The following DTNA variants were observed in gnomAD, a reference collection of about 807,000 sequenced individuals.
DTNA encodes dystrobrevin alpha.
A neutral mutation model predicts 100.7 loss-of-function variants in DTNA; 43 were observed. The observed-to-expected ratio is 0.43, with a 90% CI of 0.33 to 0.55. The LOEUF (loss-of-function observed/expected upper bound fraction) is 0.55. DTNA is among the 20% of genes least tolerant of loss of function. DTNA has a pLI of 0.04. For synonymous variants in DTNA, 349 were observed against 347.9 expected (o/e 1.00, Z -0.04); for missense variants, 798 against 953.9 (o/e 0.84, Z 2.15).
At chr18:34,522,372 C>T (rs1046917444) in intron 1 of DTNA, among the ~76,000 whole-genome samples, 5 of 152,248 alleles carry the variant, frequency 3.3e-5, no homozygotes, top group South Asian at 2.1e-4. Context: ...TCTGAGTACA[C>T]GTATTGTCTC....
At chr18:34,561,108 G>C (rs539878250) in intron 1 of DTNA, among the ~76,000 whole-genome samples, 1 of 152,272 alleles carries the variant, frequency 6.6e-6, no homozygotes, top group East Asian at 1.9e-4. Context: ...ATTTGATAGT[G>C]AAGAGGATAG....
chr18:34,618,243 G>T (rs183013193), intron 1 of DTNA, among the ~76,000 whole-genome samples: 29 of 152,132 alleles, frequency 1.9e-4, no homozygotes, highest in African/African-American at 7.0e-4. Context: ...AACCATTTTT[G>T]ACATATATGA....
At chr18:34,822,923 T>C (rs2095761363) in intron 9 of DTNA, among the ~76,000 whole-genome samples, 1 of 152,214 alleles carries the variant, frequency 6.6e-6, no homozygotes, top group African/African-American at 2.4e-5. Flanking sequence ...TACTCACTGA[T>C]AACATATTTT....
At chr18:34,499,384 T>A (rs532783679) in intron 1 of DTNA, among the ~76,000 whole-genome samples, 2 of 152,334 alleles carry the variant, frequency 1.3e-5, no homozygotes, top group Non-Finnish European at 2.9e-5. Context: ...ACCATTCACC[T>A]ATTGAAAGAC....
chr18:34,635,625 C>T (rs1568081839), intron 1 of DTNA, among the ~76,000 whole-genome samples: 1 of 152,138 alleles, frequency 6.6e-6, no homozygotes, highest in Non-Finnish European at 1.5e-5. Flanking sequence ...ATGCATTGAT[C>T]ATTTGGAGGA....
upstream of DTNA, among the ~76,000 whole-genome samples, chr18:34,708,903 A>T (rs1269268073): frequency 6.6e-6 from 1 of 152,174 alleles, no homozygotes; most frequent in East Asian, 1.9e-4. Context: ...CAGAAGAGTA[A>T]ACTGAGGGTT....
At chr18:34,600,948 CA>C (rs2051682599) in intron 1 of DTNA, among the ~76,000 whole-genome samples, 1 of 152,208 alleles carries the variant, frequency 6.6e-6, no homozygotes, top group African/African-American at 2.4e-5. Flanking sequence ...TTCCCTTAGC[CA>C]AAGCATGCCA....
At chr18:34,858,210 G>A (rs1235850179) in intron 15 of DTNA, 75 bp from the exon 16 acceptor site, 1 of 1,328,920 alleles carries the variant, frequency 7.5e-7, no homozygotes. Flanking sequence ...TGTTCTGGTG[G>A]CCTTGATCTG....
intron 1 of DTNA, among the ~76,000 whole-genome samples, chr18:34,730,399 T>C (rs2087812520): frequency 6.6e-6 from 1 of 152,206 alleles, no homozygotes; most frequent in South Asian, 2.1e-4. Flanking sequence ...GGGGCTCTGA[T>C]GTGAGAATGG....
chr18:34,732,269 ACTTTAGTGTTATAG>A (rs2088453850), intron 1 of DTNA, among the ~76,000 whole-genome samples: 2 of 152,194 alleles, frequency 1.3e-5, no homozygotes, highest in Non-Finnish European at 2.9e-5. Flanking sequence ...TACTAATCTA[ACTTTAGTGTTATAG>A]CTTTTTCTGA....
intron 20 of DTNA, 86 bp downstream of exon 20, chr18:34,879,805 G>A: frequency 6.5e-7 from 1 of 1,548,694 alleles, no homozygotes; most frequent in Non-Finnish European, 8.8e-7. Flanking sequence ...AATTGTTTAG[G>A]GTTTTTTTAA....
At chr18:34,875,924 T>C (rs913302087) in intron 18 of DTNA, among the ~76,000 whole-genome samples, 1 of 152,224 alleles carries the variant, frequency 6.6e-6, no homozygotes. Context: ...CAAAGAGGGA[T>C]GGGGATGCCA....
chr18:34,880,939 G>A (rs1047051785), intron 20 of DTNA, among the ~76,000 whole-genome samples: 1 of 152,082 alleles, frequency 6.6e-6, no homozygotes, highest in Non-Finnish European at 1.5e-5. Context: ...TTATTATTAA[G>A]CATTTATATG....
chr18:34,635,718 A>G (rs933232612), intron 1 of DTNA, among the ~76,000 whole-genome samples: 13 of 152,138 alleles, frequency 8.5e-5, no homozygotes, highest in Admixed American at 6.6e-4. Flanking sequence ...TTTTGTTAAT[A>G]TAACCATTGA....
At chr18:34,806,432 C>T (rs892455398) in intron 5 of DTNA, 128 bp downstream of exon 5, 1 of 786,308 alleles carries the variant, frequency 1.3e-6, no homozygotes, top group Admixed American at 2.1e-5. Context: ...GTTTGAAATA[C>T]ATTTTTCACT....
intron 11 of DTNA, among the ~76,000 whole-genome samples, chr18:34,836,444 G>A (rs186320005): frequency 3.9e-5 from 6 of 152,056 alleles, no homozygotes; most frequent in African/African-American, 1.4e-4. Context: ...CTTGAGGTCG[G>A]GAGTTCGAGA....
chr18:34,533,022 A>C (rs1484345249), intron 1 of DTNA, among the ~76,000 whole-genome samples: 1 of 151,978 alleles, frequency 6.6e-6, no homozygotes, highest in Admixed American at 6.6e-5. Flanking sequence ...TTGGCGAAAT[A>C]ATTTAGAAGA....
intron 1 of DTNA, among the ~76,000 whole-genome samples, chr18:34,575,950 G>C (rs923446716): frequency 6.6e-6 from 1 of 152,152 alleles, no homozygotes. Flanking sequence ...GACATTTCCA[G>C]TGCTTAATGA....
intron 7 of DTNA, 74 bp from the exon 8 acceptor site, chr18:34,818,090 G>T: frequency 1.2e-6 from 2 of 1,611,742 alleles, no homozygotes; most frequent in South Asian, 2.2e-5. Context: ...TGCAATTCCT[G>T]TAAGGCTGTA....
Sources: allele counts gnomAD v4.1 joint callset (sites outside exome capture counted in the v4.1 genomes callset), GRCh38; gene constraint gnomAD v4.1.1; transcripts MANE v1.5; gene names NCBI Gene and HGNC (gene_info 2026-07-23, HGNC 2026-07-21).